The following LRRK1 variants were observed in gnomAD, a reference collection of about 807,000 sequenced individuals.
LRRK1 encodes leucine-rich repeat serine/threonine-protein kinase 1.
In LRRK1, 113 loss-of-function variants were observed where a neutral mutation model predicts 209.1. That is an observed-to-expected ratio of 0.54 (90% CI 0.46 to 0.63). LRRK1 has a LOEUF of 0.63. Among genes scored for constraint, LRRK1 ranks in the 30% least tolerant of loss-of-function variants. The pLI, the probability that LRRK1 is intolerant of heterozygous loss-of-function variation, is 0.00. For missense variants in LRRK1, 2,284 were observed against 2,632.2 expected (o/e 0.87, Z 2.89); for synonymous variants, 1,144 against 1,099.7 (o/e 1.04, Z -0.80).
At chr15:101,061,488 C>T (rs1302866667) in intron 30 of LRRK1, among the ~76,000 whole-genome samples, 200 bp downstream of exon 30, 2 of 152,256 alleles carry the variant, frequency 1.3e-5, no homozygotes, top group African/African-American at 4.8e-5. Context: ...CAGCTCAACC[C>T]TGCCTGCTGC....
chr15:100,961,546 G>A (rs1175060595), intron 2 of LRRK1, among the ~76,000 whole-genome samples: 2 of 151,946 alleles, frequency 1.3e-5, no homozygotes, highest in East Asian at 1.9e-4. Flanking sequence ...CCAGCTACTC[G>A]GGAGGCTGAG....
Position 101,065,965 on chromosome 15 carries a change from C to G in LRRK1, c.5528C>G (p.Ser1843Cys). 1 of 1,614,138 alleles carries G rather than the reference C, an allele frequency of 6.2e-7. No homozygotes were observed. The highest frequency in any genetic ancestry group is 8.5e-7 in the Non-Finnish European group (1 of 1,180,032). The part of the protein sequence containing the change: ...ESLTDYCSMS[S>C]YSSSPPRQAA... Reference sequence around the variant, plus strand: ...CTCACTGACTACTGCTCCATGTCCTCCTACTCCTCATCCCCACCCCGCCAG... The same window carrying G: ...CTCACTGACTACTGCTCCATGTCCTGCTACTCCTCATCCCCACCCCGCCAG... Residue 1843 changes from serine to cysteine, a missense_variant, in exon 32 of 34, where the codon TCC becomes TGC. Physicochemically the swap from Ser to Cys is moderately radical, Grantham distance 112. This residue lies in a region of LRRK1 where 643 missense variants were observed against 695.9 expected (regional missense o/e 0.92). Transcript: ENST00000388948.
At chr15:100,941,456 CTATG>C (rs2042430254) in intron 2 of LRRK1, among the ~76,000 whole-genome samples, 1 of 5,624 alleles carries the variant, frequency 1.8e-4, no homozygotes, top group Non-Finnish European at 1.1e-3. Context: ...CTGTGTGTGT[CTATG>C]TCTCTGTGTG....
intron 3 of LRRK1, among the ~76,000 whole-genome samples, chr15:100,982,920 A>G (rs1334856833): frequency 6.6e-6 from 1 of 152,174 alleles, no homozygotes; most frequent in African/African-American, 2.4e-5. Flanking sequence ...ACAAGCACAC[A>G]CCTATAATCA....
Position 100,950,886 on chromosome 15 carries a change from G to A in LRRK1, c.98-22918G>A, listed in dbSNP as rs376757988. Reference sequence around the variant, plus strand: ...TGGGAGGCCAAGGCGGGCAGATCACGAGGTCAGGAGATCGAGACCATCCTG... The same window carrying A: ...TGGGAGGCCAAGGCGGGCAGATCACAAGGTCAGGAGATCGAGACCATCCTG... On this transcript the variant is annotated intron_variant, in intron 2 of 33. Transcript: ENST00000388948. 1.9e-3 allele frequency among the ~76,000 whole-genome samples: 289 copies of A among 152,284 alleles called. 2 individuals are homozygous for A. Among genetic ancestry groups the A allele is most frequent in the African/African-American group, 6.5e-3 (269 of 41,576 alleles).
chr15:101,058,220 T>C (rs1184710278), intron 29 of LRRK1, 79 bp downstream of exon 29: 8 of 1,417,170 alleles, frequency 5.6e-6, no homozygotes, highest in Non-Finnish European at 6.9e-6. Context: ...ACAGTCGATG[T>C]TGACCACAGT....
chr15:101,015,466 C>A, intron 12 of LRRK1, 64 bp downstream of exon 12: 1 of 1,270,406 alleles, frequency 7.9e-7, no homozygotes, highest in Non-Finnish European at 1.1e-6. Flanking sequence ...GTTCCTGCTC[C>A]ACCAAAGTGG....
intron 1 of LRRK1, among the ~76,000 whole-genome samples, chr15:100,921,723 T>C (rs1358653074): frequency 6.6e-6 from 1 of 152,194 alleles, no homozygotes; most frequent in Non-Finnish European, 1.5e-5. Context: ...GACAGGTTCT[T>C]CTCTTTTCTT....
chr15:100,963,032 AG>A (rs2030185220), intron 2 of LRRK1, among the ~76,000 whole-genome samples: 1 of 150,690 alleles, frequency 6.6e-6, no homozygotes, highest in African/African-American at 2.4e-5. Flanking sequence ...CATGTTAGCC[AG>A]GCTGGTCTTG....
At chr15:101,059,637 G>A (rs541998939) in intron 29 of LRRK1, among the ~76,000 whole-genome samples, 4 of 148,970 alleles carry the variant, frequency 2.7e-5, no homozygotes, top group South Asian at 2.1e-4. Flanking sequence ...ATGTAAAGTC[G>A]GGTAAGTAAA....
At chr15:100,933,668 A>G (rs1266389732) in intron 2 of LRRK1, among the ~76,000 whole-genome samples, 2 of 151,872 alleles carry the variant, frequency 1.3e-5, no homozygotes, top group East Asian at 1.9e-4. Flanking sequence ...CTAAAAATAC[A>G]AAAATTAGCC....
chr15:100,998,969 C>CGTA (rs1171359122), intron 6 of LRRK1, among the ~76,000 whole-genome samples: 2 of 152,160 alleles, frequency 1.3e-5, no homozygotes, highest in Non-Finnish European at 2.9e-5. Context: ...TTTCTGTTTA[C>CGTA]GTAGGGCCTC....
At chr15:100,939,058 A>G (rs2042355393) in intron 2 of LRRK1, among the ~76,000 whole-genome samples, 1 of 152,220 alleles carries the variant, frequency 6.6e-6, no homozygotes, top group South Asian at 2.1e-4. Flanking sequence ...ATGCCATTGC[A>G]CTCCAGCCTG....
At chr15:101,018,582 G>C (rs528850949) in intron 12 of LRRK1, among the ~76,000 whole-genome samples, 1 of 152,298 alleles carries the variant, frequency 6.6e-6, no homozygotes, top group African/African-American at 2.4e-5. Context: ...AGTGGGCTCA[G>C]CACTCAATGA....
Position 100,919,415 on chromosome 15 carries a change from C to A in LRRK1, c.-159C>A. 1 of 149,754 alleles carries A rather than the reference C, an allele frequency of 6.7e-6. No homozygotes were observed. The highest frequency in any genetic ancestry group is 1.8e-4 in the South Asian group (1 of 5,602). 9.3% of individuals were successfully genotyped at this position (149,754 alleles called of 1,614,324 possible). The stretch of plus-strand genomic sequence containing the variant: ...CCAGTGTGTCCGCCCGGCCCCGCGT[C>A]CCGGAGCGCCCGCACCCGGCCCCGC... On this transcript the variant is annotated 5_prime_UTR_variant, in exon 1 of 34. Coordinates refer to ENST00000388948, the MANE Select transcript of LRRK1 (RefSeq NM_024652.6). The surrounding 1 kb of genome is among the most constrained non-coding windows in gnomAD (Gnocchi z 5.8).
chr15:101,030,866 G>A (rs527514826), intron 20 of LRRK1, among the ~76,000 whole-genome samples: 8 of 152,284 alleles, frequency 5.3e-5, no homozygotes, highest in African/African-American at 1.7e-4. Flanking sequence ...CACCCGAACA[G>A]TATACACTGC....
intron 4 of LRRK1, chr15:100,983,918 A>G: frequency 4.3e-6 from 3 of 698,088 alleles, no homozygotes. Context: ...CATATTTCAT[A>G]AAGAATGTAA....
chr15:100,951,036 G>A (rs1323848944), intron 2 of LRRK1, among the ~76,000 whole-genome samples: 1 of 152,238 alleles, frequency 6.6e-6, no homozygotes, highest in Non-Finnish European at 1.5e-5. Context: ...CCGGGAGGCG[G>A]AGCTTGCAGG....
At chr15:100,932,860 T>C (rs1009693803) in intron 2 of LRRK1, among the ~76,000 whole-genome samples, 2 of 152,180 alleles carry the variant, frequency 1.3e-5, no homozygotes, top group Admixed American at 1.3e-4. Context: ...CCCTCTGCAT[T>C]TCATTCTTTT....
Sources: allele counts gnomAD v4.1 joint callset (sites outside exome capture counted in the v4.1 genomes callset), GRCh38; gene constraint gnomAD v4.1.1; regional missense constraint gnomAD v4.1.1; non-coding constraint Gnocchi (gnomAD v3.1); transcripts MANE v1.5; gene names NCBI Gene and HGNC (gene_info 2026-07-23, HGNC 2026-07-21).